The following USP6NL variants were observed in gnomAD, a reference collection of about 807,000 sequenced individuals.
USP6NL encodes USP6 N-terminal-like protein.
Under a neutral mutation model 61.9 loss-of-function variants are expected in USP6NL, and 26 were observed. That is an observed-to-expected ratio of 0.42 (90% CI 0.31 to 0.58). The LOEUF is 0.58. Among genes scored for constraint, USP6NL ranks in the 20% least tolerant of loss-of-function variants. USP6NL has a pLI of 0.16. For synonymous variants in USP6NL, 432 were observed against 390.1 expected (o/e 1.11, Z -1.27); for missense variants, 1,114 against 1,034.3 (o/e 1.08, Z -1.06).
chr10:11,541,974 A>G (rs761163654), intron 2 of USP6NL, among the ~76,000 whole-genome samples: 1 of 152,158 alleles, frequency 6.6e-6, no homozygotes, highest in African/African-American at 2.4e-5. Context: ...GTATTCTTAT[A>G]AGGTTTTAGA....
intron 10 of USP6NL, among the ~76,000 whole-genome samples, chr10:11,486,849 C>G (rs1833491845): frequency 6.6e-6 from 1 of 152,146 alleles, no homozygotes; most frequent in Admixed American, 6.5e-5. Flanking sequence ...ATTTTCCCCC[C>G]AGAAAGTCTG....
chr10:11,511,868 G>T lies in USP6NL; in HGVS notation c.196-2193C>A, dbSNP rs1439550850. Among the ~76,000 whole-genome samples the T allele has an allele frequency of 6.6e-6, 1 of 151,536 alleles. No individual in the cohort carries two copies. The highest frequency in any genetic ancestry group is 1.5e-5 in the Non-Finnish European group (1 of 67,886). On this transcript the variant is annotated intron_variant, in intron 5 of 14. Transcript: ENST00000609104. The surrounding 1 kb of genome is among the most constrained non-coding windows in gnomAD (Gnocchi z 4.9). ...ACACACACCCCTTGGGAAGCTATAG[G>T]ATCCGAAAATTATGTATCAGTATTC...
At position 11,574,519 on chromosome 10, in the gene USP6NL, A is replaced by G. The variant is rs977906885; in HGVS notation, c.4+23112T>C. On this transcript the variant is annotated intron_variant, in intron 2 of 14. Coordinates refer to ENST00000609104, the MANE Select transcript of USP6NL (RefSeq NM_014688.5). The surrounding 1 kb of genome is among the most constrained non-coding windows in gnomAD (Gnocchi z 4.3). ...TGAATTAATATTTAATATATTTGTTATATGTTCTATTTATCCCATAGCAGC... is the reference window on the plus strand; with the variant it reads ...TGAATTAATATTTAATATATTTGTTGTATGTTCTATTTATCCCATAGCAGC... Among the ~76,000 whole-genome samples the G allele has an allele frequency of 7.9e-5, 12 of 152,226 alleles. No homozygotes were observed. The highest frequency in any genetic ancestry group is 7.7e-4 in the East Asian group (4 of 5,204).
intron 1 of USP6NL, among the ~76,000 whole-genome samples, chr10:11,606,076 G>C (rs2133691809): frequency 6.6e-6 from 1 of 152,014 alleles, no homozygotes; most frequent in Non-Finnish European, 1.5e-5. Context: ...AATAGAAACA[G>C]AAAGAGACAG....
Position 11,463,362 on chromosome 10 carries a change from A to G in USP6NL, c.1566T>C (p.Pro522=). ...HPALAVTVPG[P]AEVRVSNVRP... ...GCACGTTTGACACCCGCACCTCGGCAGGACCTGGGACGGTAACTGCGAGCG... is the reference window on the plus strand; with the variant it reads ...GCACGTTTGACACCCGCACCTCGGCGGGACCTGGGACGGTAACTGCGAGCG... The change falls in exon 15 of 15, where the codon CCT becomes CCC. Residue 522 remains proline, a synonymous_variant. Transcript: ENST00000609104. The surrounding 1 kb of genome is among the most constrained non-coding windows in gnomAD (Gnocchi z 6.3). The G allele has an allele frequency of 6.2e-7, 1 of 1,614,006 alleles. No homozygotes were observed. Among genetic ancestry groups the G allele is most frequent in the Non-Finnish European group, 8.5e-7 (1 of 1,179,904 alleles).
Position 11,460,882 on chromosome 10 carries a change from T to C in USP6NL, c.*1559A>G, listed in dbSNP as rs1016033326. ...CACCAGAATTTTGTTTGCGTTTCAA[T>C]GTAGTGTTTAGCTTTAATACACTGC... On this transcript the variant is annotated 3_prime_UTR_variant, in exon 15 of 15. Transcript: ENST00000609104. 11 of 152,376 alleles carry C rather than the reference T, an allele frequency of 7.2e-5. No homozygotes were observed. Among genetic ancestry groups the C allele is most frequent in the Non-Finnish European group, 8.8e-5 (6 of 68,016 alleles). 9.4% of individuals were successfully genotyped at this position (152,376 alleles called of 1,614,324 possible). A position where few individuals can be genotyped will look rare whatever the true frequency, so the allele number is the denominator to read the frequency against.
At chr10:11,601,759 T>C (rs1178688509) in intron 1 of USP6NL, among the ~76,000 whole-genome samples, 1 of 152,208 alleles carries the variant, frequency 6.6e-6, no homozygotes, top group Non-Finnish European at 1.5e-5. Context: ...CCAACACAAA[T>C]TGCAAGATAG....
chr10:11,462,229 T>C lies in USP6NL; in HGVS notation c.*212A>G, dbSNP rs1441878473. On this transcript the variant is annotated 3_prime_UTR_variant, in exon 15 of 15. Transcript: ENST00000609104. ...GCTATTGCGATGTTTCCGGGTTAAATTCTAACAGGTCAGTGATGATGCAAT... is the reference window on the plus strand; with the variant it reads ...GCTATTGCGATGTTTCCGGGTTAAACTCTAACAGGTCAGTGATGATGCAAT... 1.2e-5 allele frequency: 7 copies of C among 572,964 alleles called. No homozygotes were observed. Among genetic ancestry groups the C allele is most frequent in the African/African-American group, 1.9e-5 (1 of 53,554 alleles). 35.5% of individuals were successfully genotyped at this position (572,964 alleles called of 1,614,324 possible).
chr10:11,551,309 G>A (rs537662630), intron 2 of USP6NL, among the ~76,000 whole-genome samples: 4 of 152,238 alleles, frequency 2.6e-5, no homozygotes, highest in East Asian at 1.9e-4. Context: ...CTGATAACAC[G>A]AAACAATGCA....
chr10:11,486,072 A>T (rs1335247352), intron 10 of USP6NL, among the ~76,000 whole-genome samples, 161 bp from the exon 11 acceptor site: 1 of 152,036 alleles, frequency 6.6e-6, no homozygotes, highest in Non-Finnish European at 1.5e-5. Context: ...ACTGTATATA[A>T]GCTTTGGGTA....
At chr10:11,477,909 A>G (rs1023171758) in intron 14 of USP6NL, among the ~76,000 whole-genome samples, 3 of 152,240 alleles carry the variant, frequency 2.0e-5, no homozygotes, top group Admixed American at 6.5e-5. Context: ...GAAAACTTAA[A>G]AACAGTAATA....
In USP6NL at chr10:11,461,474, G is replaced by A. The variant is rs2096213958; in HGVS notation, c.*967C>T. 1 of 152,178 alleles carries A rather than the reference G, an allele frequency of 6.6e-6. No homozygotes were observed. Among genetic ancestry groups the A allele is most frequent in the Non-Finnish European group, 1.5e-5 (1 of 68,064 alleles). 9.4% of individuals were successfully genotyped at this position (152,178 alleles called of 1,614,324 possible). On this transcript the variant is annotated 3_prime_UTR_variant, in exon 15 of 15. Transcript: ENST00000609104. ...TAAATGGCCACCCTGGGACCTTCGT[G>A]GGGAGAAGCCATGTGAGTCGAGGCA...
rs1835248039 is a variant in USP6NL, at chr10:11,522,423, G to A, written c.155+2963C>T. 3.9e-5 allele frequency among the ~76,000 whole-genome samples: 6 copies of A among 152,142 alleles called. No homozygotes were observed. In the South Asian group the frequency reaches 1.2e-3, roughly 32 times the overall value. On this transcript the variant is annotated intron_variant, in intron 4 of 14. Transcript: ENST00000609104. ...ACACCAAATGATTTTATTCAATAGC[G>A]CATAAAACTCCGGTCTGTGGTGACA...
In USP6NL at chr10:11,597,586, A is replaced by C; in HGVS notation, c.4+45T>G. ...TTTCTTCTCCTAAGCACAATACAGC[A>C]AACGCTCCTGAGATGGCTGGAAGGA... On this transcript the variant is annotated intron_variant, in intron 2 of 14. Transcript: ENST00000609104. This position sits in a 1 kb window ranked among gnomAD's most constrained non-coding sequence, Gnocchi z 4.6. 6.5e-7 allele frequency: 1 copy of C among 1,546,156 alleles called. No individual in the cohort carries two copies. Among genetic ancestry groups the C allele is most frequent in the African/African-American group, 1.4e-5 (1 of 73,056 alleles).
chr10:11,581,566 G>A (rs534960385), intron 2 of USP6NL, among the ~76,000 whole-genome samples: 2 of 152,166 alleles, frequency 1.3e-5, no homozygotes, highest in South Asian at 2.1e-4. Context: ...GTAGATAAAT[G>A]AGATGAAAAA....
intron 14 of USP6NL, among the ~76,000 whole-genome samples, chr10:11,472,728 A>G (rs1002642286): frequency 2.0e-5 from 3 of 152,244 alleles, no homozygotes; most frequent in Non-Finnish European, 2.9e-5. Flanking sequence ...TTTCAATAAC[A>G]TGATGAAAAG....
intron 2 of USP6NL, chr10:11,573,789 C>T (rs1054694246): frequency 2.5e-6 from 1 of 396,464 alleles, no homozygotes; most frequent in Non-Finnish European, 4.5e-6. Flanking sequence ...CACAGTTCAA[C>T]TTCAGAGAAA....
At position 11,463,213 on chromosome 10, in the gene USP6NL, G is replaced by C; in HGVS notation, c.1715C>G (p.Ala572Gly). 6.2e-7 allele frequency: 1 copy of C among 1,613,376 alleles called. No individual in the cohort carries two copies. The highest frequency in any genetic ancestry group is 2.2e-5 in the East Asian group (1 of 44,870). The change falls in exon 15 of 15, where the codon GCT becomes GGT. Residue 572 changes from alanine to glycine, a missense_variant. Transcript: ENST00000609104. This position sits in a 1 kb window ranked among gnomAD's most constrained non-coding sequence, Gnocchi z 6.3. ...GASVEEALER[A>G]YSQSPRHALY... ...GGCATGCCGGGGGCTCTGGGAGTAA[G>C]CCCTTTCCAGCGCCTCCTCCACGGA...
chr10:11,583,518 C>T (rs1462685510), intron 2 of USP6NL, among the ~76,000 whole-genome samples: 1 of 151,976 alleles, frequency 6.6e-6, no homozygotes, highest in East Asian at 1.9e-4. Context: ...TTAAGGAAGT[C>T]TCTCCCATTG....
Sources: allele counts gnomAD v4.1 joint callset (sites outside exome capture counted in the v4.1 genomes callset), GRCh38; gene constraint gnomAD v4.1.1; non-coding constraint Gnocchi (gnomAD v3.1); transcripts MANE v1.5; gene names NCBI Gene and HGNC (gene_info 2026-07-23, HGNC 2026-07-21).